Variants in EPB41L4A observed in about 807,000 individuals in gnomAD.
EPB41L4A encodes the protein erythrocyte membrane protein band 4.1 like 4A, also known as band 4.1-like protein 4A.
EPB41L4A carries 100 observed loss-of-function variants against 108.6 expected under a neutral mutation model. The ratio of observed to expected loss-of-function variants is 0.92; its 90% confidence interval spans 0.78 to 1.09. The LOEUF (loss-of-function observed/expected upper bound fraction) is 1.09. Ranked by LOEUF, EPB41L4A falls within the 50% of genes least tolerant of loss-of-function variation. EPB41L4A has a pLI of 0.00. For synonymous variants in EPB41L4A, 319 were observed against 289.0 expected (o/e 1.10, Z -1.05); for missense variants, 1,030 against 842.7 (o/e 1.22, Z -2.75).
chr5:112,212,419 A>C (rs1274549943), intron 12 of EPB41L4A, among the ~76,000 whole-genome samples: 1 of 151,834 alleles, frequency 6.6e-6, no homozygotes, highest in Non-Finnish European at 1.5e-5. Context: ...CAGACTCCCA[A>C]GTAGCTGGGA....
chr5:112,231,779 T>G (rs10044483), intron 12 of EPB41L4A, among the ~76,000 whole-genome samples: 94,442 of 124,418 alleles, frequency 0.76, 36,440 homozygotes, highest in Middle Eastern at 0.85. Flanking sequence ...GCGACAGAGC[T>G]AGACTCCGTC....
chr5:112,158,834 T>G (rs947600958), downstream of EPB41L4A, among the ~76,000 whole-genome samples: 1 of 152,064 alleles, frequency 6.6e-6, no homozygotes, highest in Non-Finnish European at 1.5e-5. Flanking sequence ...CTGGGGAGTA[T>G]GGGAACTACA....
At chr5:112,306,715 C>T (rs531267136) in intron 2 of EPB41L4A, among the ~76,000 whole-genome samples, 21 of 152,116 alleles carry the variant, frequency 1.4e-4, no homozygotes, top group Non-Finnish European at 2.4e-4. Flanking sequence ...TAGACTAAAC[C>T]AAAAGTCACA....
chr5:112,395,957 A>T (rs1055605755), intron 1 of EPB41L4A, among the ~76,000 whole-genome samples: 1 of 152,188 alleles, frequency 6.6e-6, no homozygotes, highest in African/African-American at 2.4e-5. Flanking sequence ...TAGGGACATA[A>T]ATGAAGCTGG....
At chr5:112,152,976 T>C (rs1452667312) in intron 12 of EPB41L4A, among the ~76,000 whole-genome samples, 1 of 152,214 alleles carries the variant, frequency 6.6e-6, no homozygotes, top group African/African-American at 2.4e-5. Context: ...CCCAGCACTT[T>C]GGGAGGCTAA....
At chr5:112,407,727 C>A (rs1762152519) in intron 1 of EPB41L4A, among the ~76,000 whole-genome samples, 1 of 152,096 alleles carries the variant, frequency 6.6e-6, no homozygotes, top group South Asian at 2.1e-4. Flanking sequence ...ACATAAATAA[C>A]AACACTCAGA....
At chr5:112,382,859 G>GC (rs1321442997) in intron 1 of EPB41L4A, among the ~76,000 whole-genome samples, 1 of 152,086 alleles carries the variant, frequency 6.6e-6, no homozygotes, top group African/African-American at 2.4e-5. Flanking sequence ...GGCAATCACT[G>GC]CATCTATTAT....
At chr5:112,174,894 T>C (rs1357789180) in intron 18 of EPB41L4A, among the ~76,000 whole-genome samples, 1 of 152,224 alleles carries the variant, frequency 6.6e-6, no homozygotes, top group African/African-American at 2.4e-5. Context: ...CAGTCATTCT[T>C]TGTCACATTC....
chr5:112,319,793 C>CT (rs1755654741), intron 1 of EPB41L4A, among the ~76,000 whole-genome samples: 1 of 152,112 alleles, frequency 6.6e-6, no homozygotes, highest in South Asian at 2.1e-4. Flanking sequence ...CAACATTTGC[C>CT]TGGGGTCCGT....
chr5:112,397,572 T>G (rs1303248857), intron 1 of EPB41L4A, among the ~76,000 whole-genome samples: 1 of 152,004 alleles, frequency 6.6e-6, no homozygotes, highest in Admixed American at 6.6e-5. Flanking sequence ...TTACAAAAAA[T>G]GAACATAACC....
chr5:112,291,810 C>T (rs1386982560), intron 2 of EPB41L4A, among the ~76,000 whole-genome samples: 3 of 152,178 alleles, frequency 2.0e-5, no homozygotes, highest in African/African-American at 4.8e-5. Flanking sequence ...TTCCATGCCC[C>T]GTTCCCCCAT....
intron 1 of EPB41L4A, among the ~76,000 whole-genome samples, chr5:112,335,389 A>T (rs1443392765): frequency 1.3e-5 from 2 of 152,216 alleles, no homozygotes; most frequent in Non-Finnish European, 2.9e-5. Context: ...ATAAGCAGAA[A>T]ATGTTTACCA....
chr5:112,368,829 C>T (rs1759305918), intron 1 of EPB41L4A, among the ~76,000 whole-genome samples: 1 of 152,158 alleles, frequency 6.6e-6, no homozygotes, highest in Non-Finnish European at 1.5e-5. Flanking sequence ...CTGCCCACTC[C>T]TTCAATGCTG....
chr5:112,257,556 T>A (rs1015700054), intron 9 of EPB41L4A, among the ~76,000 whole-genome samples: 1 of 152,192 alleles, frequency 6.6e-6, no homozygotes, highest in Non-Finnish European at 1.5e-5. Flanking sequence ...TTTTGCCTAA[T>A]CATGAAGTCC....
intron 1 of EPB41L4A, among the ~76,000 whole-genome samples, chr5:112,327,617 G>C (rs1272151071): frequency 1.3e-5 from 2 of 152,162 alleles, no homozygotes; most frequent in East Asian, 3.8e-4. Flanking sequence ...TCTGGAGGCT[G>C]GGTTGGGAAG....
intron 1 of EPB41L4A, among the ~76,000 whole-genome samples, chr5:112,325,839 C>T (rs190609205): frequency 6.6e-6 from 1 of 152,226 alleles, no homozygotes; most frequent in Admixed American, 6.5e-5. Flanking sequence ...CTCTGGTATT[C>T]TATGAATATG....
intron 12 of EPB41L4A, among the ~76,000 whole-genome samples, chr5:112,212,533 G>A (rs1053146862): frequency 1.3e-5 from 2 of 152,130 alleles, no homozygotes; most frequent in African/African-American, 2.4e-5. Context: ...GACCTCAAGT[G>A]ATCCACCCAC....
rs906203685 is a variant in EPB41L4A at position 112,162,906 on chromosome 5, T to G, written c.*2084A>C. ...AAGATACCGTTAGTCCACTTACTTT[T>G]GAGACAGTTTTGGCTGCTTTCCCTC... is the stretch of plus-strand genomic sequence containing the variant. On this transcript the variant is annotated 3_prime_UTR_variant, in exon 23 of 23. Coordinates refer to ENST00000261486, the MANE Select transcript of EPB41L4A (RefSeq NM_022140.5). 6.6e-6 allele frequency: 1 copy of G among 152,252 alleles called. No individual in the cohort carries two copies. Among genetic ancestry groups the G allele is most frequent in the African/African-American group, 2.4e-5 (1 of 41,448 alleles). The allele number at this position is 152,252 out of a possible 1,614,324, so 9.4% of individuals were successfully genotyped here.
chr5:112,338,376 C>G (rs1021481252), intron 1 of EPB41L4A, among the ~76,000 whole-genome samples: 1 of 152,130 alleles, frequency 6.6e-6, no homozygotes, highest in African/African-American at 2.4e-5. Context: ...ACTCTTCTCT[C>G]GGCACTGTCT....
Sources: gnomAD v4.1 joint callset for allele counts (sites outside exome capture counted in the v4.1 genomes callset) on GRCh38, gnomAD v4.1.1 for gene constraint, MANE v1.5 for transcripts, NCBI Gene and HGNC (gene_info 2026-07-23, HGNC 2026-07-21) for gene names.